ASIC3: variants seen among roughly 807,000 people sequenced by gnomAD.
The protein encoded by ASIC3 is acid-sensing ion channel 3.
Under a neutral mutation model 58.6 loss-of-function variants are expected in ASIC3, and 46 were observed. The ratio of observed to expected loss-of-function variants is 0.79; its 90% CI spans 0.62 to 1.00. The LOEUF is 1.00. Among genes scored for constraint, ASIC3 ranks in the 50% least tolerant of loss-of-function variants. The pLI is 0.00. For synonymous variants in ASIC3, 336 were observed against 300.2 expected, an observed-to-expected ratio of 1.12 and a Z score of -1.23; for missense variants, 770 against 735.0, an observed-to-expected ratio of 1.05 and a Z score of -0.55.
chr7:151,048,596 T>G lies in ASIC3; in HGVS notation c.-290T>G. 2 of 406,794 alleles carry G rather than the reference T, an allele frequency of 4.9e-6. No homozygotes were observed. The highest frequency in any genetic ancestry group is 8.7e-6 in the Non-Finnish European group (2 of 229,028). 25.2% of individuals were successfully genotyped at this position (406,794 alleles called of 1,614,324 possible). ...GCTCCGCAGCCCCTGCCTGCCACGG[T>G]CAGCTACGTCCCACCTGGTCTGCTG... On this transcript the variant is annotated 5_prime_UTR_variant, in exon 1 of 11. Coordinates refer to ENST00000349064, the MANE Select transcript of ASIC3 (RefSeq NM_004769.4).
chr7:151,049,910 G>A (rs1379380031), intron 1 of ASIC3, among the ~76,000 whole-genome samples, 196 bp from the exon 2 acceptor site: 12 of 152,240 alleles, frequency 7.9e-5, no homozygotes, highest in Admixed American at 7.2e-4. Context: ...GGGGATTGGC[G>A]GGGTGGAGGA....
rs775437228 is a variant in ASIC3 at position 151,049,164 on chromosome 7, C to T, written c.279C>T (p.Asn93=). ...RLIFPAVTLC[N]INPLRRSRLT... is the part of the protein sequence containing the mutation. ...TCTTCCCGGCTGTCACCCTGTGCAACATCAACCCACTGCGCCGCTCGCGCC... is the reference window on the plus strand; with the variant it reads ...TCTTCCCGGCTGTCACCCTGTGCAATATCAACCCACTGCGCCGCTCGCGCC... Residue 93 remains asparagine (N), a synonymous_variant, in exon 1 of 11, where the codon AAC becomes AAT. Transcript: ENST00000349064. 4.3e-6 allele frequency: 7 copies of T among 1,613,716 alleles called. No homozygotes were observed. The African/African-American group carries it at 9.3e-5, about 22-fold the overall frequency.
chr7:151,051,392 C>A (rs1034125844), intron 6 of ASIC3, 73 bp downstream of exon 6: 8 of 1,405,726 alleles, frequency 5.7e-6, no homozygotes, highest in Non-Finnish European at 7.3e-6. Flanking sequence ...CAGGCCAGGC[C>A]GTAGCCCTAG....
At chr7:151,050,415 G>A (rs1318860180) in intron 2 of ASIC3, 66 bp from the exon 3 acceptor site, 11 of 1,592,424 alleles carry the variant, frequency 6.9e-6, no homozygotes, top group South Asian at 2.3e-5. Context: ...TGCAGTGAGA[G>A]GTCTTGTCTG....
rs62001892 is a variant in ASIC3, at chr7:151,049,102, C to A, written c.217C>A (p.Gln73Lys). 2.6e-3 allele frequency: 4,157 copies of A among 1,613,906 alleles called. 9 individuals are homozygous for A. The highest frequency in any genetic ancestry group is 3.2e-3 in the Non-Finnish European group (3,723 of 1,179,912). The change falls in exon 1 of 11, where the codon CAG (glutamine) becomes AAG (lysine). Residue 73 changes from glutamine (Q) to lysine (K), a missense_variant. Transcript: ENST00000349064. Reference sequence around the variant, plus strand: ...GCGCTACTACAGGGAGTTCCACCACCAGACTGCCCTGGATGAGCGAGAAAG... The same window carrying A: ...GCGCTACTACAGGGAGTTCCACCACAAGACTGCCCTGGATGAGCGAGAAAG... ...RVRYYREFHH[Q>K]TALDERESHR...
chr7:151,049,467 C>T (rs1248897772), intron 1 of ASIC3, 48 bp downstream of exon 1: 1 of 1,530,586 alleles, frequency 6.5e-7, no homozygotes, highest in Non-Finnish European at 8.8e-7. Flanking sequence ...GAGAGCCGAC[C>T]AGTCCCTGCC....
chr7:151,050,301 G>A (rs1375930578), intron 2 of ASIC3, 45 bp downstream of exon 2: 10 of 1,593,230 alleles, frequency 6.3e-6, no homozygotes, highest in Non-Finnish European at 8.6e-6. Flanking sequence ...CGGATGGAGT[G>A]CAAAAGGCTA....
chr7:151,050,876 C>A lies in ASIC3; in HGVS notation c.932C>A (p.Thr311Asn), dbSNP rs1412378803. 4.3e-6 allele frequency: 7 copies of A among 1,613,442 alleles called. No individual in the cohort carries two copies. The highest frequency in any genetic ancestry group is 5.9e-6 in the Non-Finnish European group (7 of 1,180,002). ...AGCCCCAGCCCCAGCCCTCCCTATACCCTTATGGGGTGTCGCCTGGCCTGC... is the reference window on the plus strand; with the variant it reads ...AGCCCCAGCCCCAGCCCTCCCTATAACCTTATGGGGTGTCGCCTGGCCTGC... ...SPSPSPSPPY[T>N]LMGCRLACET... Residue 311 changes from threonine to asparagine, a missense_variant, in exon 4 of 11, where the codon ACC (threonine) becomes AAC (asparagine). Coordinates refer to ENST00000349064, the MANE Select transcript of ASIC3 (RefSeq NM_004769.4).
At chr7:151,048,474 C>G, upstream of ASIC3, 1 of 198,228 alleles carries the variant, frequency 5.0e-6, no homozygotes. Flanking sequence ...AGGGACCTCT[C>G]CTACCCCCCA....
In ASIC3 at chr7:151,048,881, T is replaced by C. The variant is rs748368955; in HGVS notation, c.-5T>C. 4 of 1,541,908 alleles carry C rather than the reference T, an allele frequency of 2.6e-6. No homozygotes were observed. The highest frequency in any genetic ancestry group is 1.9e-5 in the Admixed American group (1 of 51,558). On this transcript the variant is annotated 5_prime_UTR_variant, in exon 1 of 11. Transcript: ENST00000349064. ...TGTAGCTGGTTCCGCTCCTGGGTTCTGGCCATGAAGCCCACCTCAGGCCCA... is the reference window on the plus strand; with the variant it reads ...TGTAGCTGGTTCCGCTCCTGGGTTCCGGCCATGAAGCCCACCTCAGGCCCA...
In ASIC3 at chr7:151,051,920, C is replaced by G. The variant is rs371968452; in HGVS notation, c.1306+19C>G. ...CTGCTTGGTGTGTGTGCAGGGCCCC[C>G]AGGGCTGGGGGGGTGTGGGCAGGCA... On this transcript the variant is annotated intron_variant, in intron 7 of 10. Coordinates refer to ENST00000349064, the MANE Select transcript of ASIC3 (RefSeq NM_004769.4). 5.0e-5 allele frequency: 80 copies of G among 1,613,506 alleles called. 1 individual carries two copies. The African/African-American group carries it at 9.2e-4, about 19-fold the overall frequency.
At position 151,050,546 on chromosome 7, in the gene ASIC3, G is replaced by T. The variant is rs377738600; in HGVS notation, c.751G>T (p.Asp251Tyr). 22 of 1,614,004 alleles carry T rather than the reference G, an allele frequency of 1.4e-5. No homozygotes were observed. Among genetic ancestry groups the T allele is most frequent in the Non-Finnish European group, 1.8e-5 (21 of 1,179,952 alleles). ...CAGCCAGGAGGAGCCGCCCATCATC[G>T]ATCAGCTGGGCTTGGGGGTGTCCCC... ...IHSQEEPPII[D>Y]QLGLGVSPGY... Residue 251 changes from aspartate to tyrosine, a missense_variant, in exon 3 of 11, where the codon GAT (aspartate) becomes TAT (tyrosine). Asp to Tyr is a radical substitution (Grantham distance 160). Coordinates refer to ENST00000349064, the MANE Select transcript of ASIC3 (RefSeq NM_004769.4).
chr7:151,051,899 T>C lies in ASIC3; in HGVS notation c.1304T>C (p.Leu435Pro), dbSNP rs760614484. 1.9e-6 allele frequency: 3 copies of C among 1,613,386 alleles called. No individual in the cohort carries two copies. The South Asian group carries it at 3.3e-5, about 18-fold the overall frequency. Residue 435 changes from leucine (L) to proline (P), a missense_variant and splice_region_variant, in exon 7 of 11, where the codon CTT becomes CCT. Transcript: ENST00000349064. The stretch of plus-strand genomic sequence containing the variant: ...AAGGCCTATGAGATGTCAGAGCTGC[T>C]TGGTGTGTGTGCAGGGCCCCCAGGG... ...QKKAYEMSELLGDIGGQMGLF... is the reference protein window; with the variant it reads ...QKKAYEMSELPGDIGGQMGLF...
At position 151,051,307 on chromosome 7, in the gene ASIC3, A is replaced by C; in HGVS notation, c.1202A>C (p.Glu401Ala). 1 of 1,511,240 alleles carries C rather than the reference A, an allele frequency of 6.6e-7. No individual in the cohort carries two copies. Among genetic ancestry groups the C allele is most frequent in the Non-Finnish European group, 8.8e-7 (1 of 1,139,204 alleles). The allele number at this position is 1,511,240 out of a possible 1,614,324, so 93.6% of individuals were successfully genotyped here. The change falls in exon 6 of 11, where the codon GAG becomes GCG. Residue 401 changes from glutamate to alanine, a missense_variant. By Grantham distance (107) the Glu-to-Ala change is moderately radical (BLOSUM62 -1). Transcript: ENST00000349064. ...CTGGCCCGGAAGCTCAACCGCAGCG[A>C]GGCCTACATCGCGTGAGCTGCGCGG... ...RFLARKLNRS[E>A]AYIAENVLAL...
At chr7:151,049,449 G>A in intron 1 of ASIC3, 30 bp downstream of exon 1, 1 of 1,543,738 alleles carries the variant, frequency 6.5e-7, no homozygotes, top group Non-Finnish European at 8.7e-7. Context: ...TATCCTGCCA[G>A]GGACCCAGAG....
chr7:151,048,378 G>T (rs1796676477), upstream of ASIC3: 1 of 158,206 alleles, frequency 6.3e-6, no homozygotes, highest in Admixed American at 6.2e-5. Context: ...CTCTCCCTAG[G>T]ATTACTGCGG....
In ASIC3 at chr7:151,052,150, T is replaced by G; in HGVS notation, c.1387-16T>G. On this transcript the variant is annotated splice_polypyrimidine_tract_variant and intron_variant, in intron 8 of 10. Transcript: ENST00000349064. This position sits in a 1 kb window ranked among gnomAD's most constrained non-coding sequence, Gnocchi z 5.0. ...GAAGGTGTGCACTGGCCACCTCCCA[T>G]CCTGCTTGCCTCCAGGTGTTCCGAG... 2 of 1,613,932 alleles carry G rather than the reference T, an allele frequency of 1.2e-6. No individual in the cohort carries two copies. The highest frequency in any genetic ancestry group is 1.7e-6 in the Non-Finnish European group (2 of 1,179,950).
In ASIC3 at chr7:151,051,080, G is replaced by A. The variant is rs1353699620; in HGVS notation, c.1051G>A (p.Ala351Thr). 6.2e-7 allele frequency: 1 copy of A among 1,612,704 alleles called. No homozygotes were observed. The highest frequency in any genetic ancestry group is 8.5e-7 in the Non-Finnish European group (1 of 1,179,906). ...CAGCCCCCAGCAGTACAAGAACTGTGCCCACCCGGCCATAGGTAAGGGCGA... is the reference window on the plus strand; with the variant it reads ...CAGCCCCCAGCAGTACAAGAACTGTACCCACCCGGCCATAGGTAAGGGCGA... ...VCSPQQYKNCAHPAIDAMLRK... is the reference protein window; with the variant it reads ...VCSPQQYKNCTHPAIDAMLRK... Residue 351 changes from alanine (A) to threonine (T), a missense_variant, in exon 5 of 11, where the codon GCC (alanine) becomes ACC (threonine). Physicochemically the swap from Ala to Thr is moderately conservative, Grantham distance 58. Coordinates refer to ENST00000349064, the MANE Select transcript of ASIC3 (RefSeq NM_004769.4).
chr7:151,052,320 A>C lies in ASIC3; in HGVS notation c.1458+83A>C. The C allele has an allele frequency of 6.2e-7, 1 of 1,612,530 alleles. No individual in the cohort carries two copies. Among genetic ancestry groups the C allele is most frequent in the African/African-American group, 1.3e-5 (1 of 74,978 alleles). ...GAAGCCTAGACCACCATCCCGCCCC[A>C]GCTGAGGAGAAACAGGCAGGAGGGT... On this transcript the variant is annotated intron_variant, in intron 9 of 10. Transcript: ENST00000349064. The surrounding 1 kb of genome is among the most constrained non-coding windows in gnomAD (Gnocchi z 5.0).
Sources: allele counts gnomAD v4.1 joint callset (sites outside exome capture counted in the v4.1 genomes callset), GRCh38; gene constraint gnomAD v4.1.1; non-coding constraint Gnocchi (gnomAD v3.1); transcripts MANE v1.5; gene names NCBI Gene and HGNC (gene_info 2026-07-23, HGNC 2026-07-21).